RIN3: variants seen among roughly 807,000 people sequenced by gnomAD.
RIN3 encodes Ras and Rab interactor 3.
Under a neutral mutation model 76.3 loss-of-function variants are expected in RIN3, and 54 were observed. The observed-to-expected ratio is 0.71, with a 90% CI of 0.57 to 0.89. RIN3 has a LOEUF of 0.89. Ranked by LOEUF, RIN3 falls within the 40% of genes least tolerant of loss-of-function variation. The probability of loss-of-function intolerance (pLI) is 0.00; values close to 1 mark genes in which losing one functional copy is unlikely to be tolerated. For synonymous variants in RIN3, 576 were observed against 564.0 expected (o/e 1.02, Z -0.30); for missense variants, 1,256 against 1,322.1 (o/e 0.95, Z 0.78).
At chr14:92,649,065 G>T (rs754388) in intron 5 of RIN3, among the ~76,000 whole-genome samples, 2 of 152,082 alleles carry the variant, frequency 1.3e-5, no homozygotes, top group African/African-American at 2.4e-5. Context: ...CCTGCAGACT[G>T]GAATGCCAGG....
intron 1 of RIN3, among the ~76,000 whole-genome samples, chr14:92,544,414 T>TGG (rs71123353): frequency 5.8e-4 from 43 of 74,552 alleles, no homozygotes; most frequent in African/African-American, 1.2e-3. Flanking sequence ...GTGACAGCTG[T>TGG]GGGGGGGGGG....
chr14:92,549,955 G>A (rs1242162368), intron 1 of RIN3, among the ~76,000 whole-genome samples: 3 of 152,314 alleles, frequency 2.0e-5, no homozygotes, highest in Middle Eastern at 6.8e-3. Context: ...GGTCCTTAGC[G>A]GAGTGGGAGT....
intron 1 of RIN3, among the ~76,000 whole-genome samples, chr14:92,537,466 G>A (rs542906265): frequency 6.6e-6 from 1 of 152,188 alleles, no homozygotes; most frequent in African/African-American, 2.4e-5. Context: ...ACTTTTGTCT[G>A]TGCGTCATTT....
intron 5 of RIN3, chr14:92,644,322 T>G (rs1385673523): frequency 1.3e-5 from 2 of 151,922 alleles, no homozygotes; most frequent in Admixed American, 6.6e-5. Context: ...GGTTTAGTCA[T>G]CCCTAGGACT....
intron 1 of RIN3, among the ~76,000 whole-genome samples, chr14:92,527,129 C>T (rs1896756482): frequency 6.7e-6 from 1 of 149,528 alleles, no homozygotes; most frequent in Non-Finnish European, 1.5e-5. Context: ...CAGCTCACTG[C>T]AAGCTCCGCC....
intron 3 of RIN3, among the ~76,000 whole-genome samples, chr14:92,586,859 G>A (rs1884795278): frequency 6.6e-6 from 1 of 152,128 alleles, no homozygotes; most frequent in South Asian, 2.1e-4. Context: ...ATGACACTCA[G>A]GGAAATCCAC....
chr14:92,679,933 G>T (rs1888604162), intron 8 of RIN3, among the ~76,000 whole-genome samples: 1 of 152,228 alleles, frequency 6.6e-6, no homozygotes. Flanking sequence ...CATCAAGTTA[G>T]ATTGGCAGTT....
At chr14:92,657,728 T>G (rs1595490711) in intron 6 of RIN3, among the ~76,000 whole-genome samples, 1 of 151,616 alleles carries the variant, frequency 6.6e-6, no homozygotes, top group South Asian at 2.1e-4. Context: ...GGTCGGGAGG[T>G]GGGCGTGGAA....
At chr14:92,584,560 A>T (rs1884696620) in intron 3 of RIN3, among the ~76,000 whole-genome samples, 1 of 152,106 alleles carries the variant, frequency 6.6e-6, no homozygotes, top group Non-Finnish European at 1.5e-5. Flanking sequence ...GGAACAAGAG[A>T]TGTCTTGGTC....
At chr14:92,559,530 C>T (rs1897702897) in intron 2 of RIN3, among the ~76,000 whole-genome samples, 1 of 152,232 alleles carries the variant, frequency 6.6e-6, no homozygotes, top group Admixed American at 6.5e-5. Context: ...CCACTGTCCT[C>T]TCCGAGGGTC....
At chr14:92,577,050 G>A (rs930497572) in intron 2 of RIN3, among the ~76,000 whole-genome samples, 2 of 152,068 alleles carry the variant, frequency 1.3e-5, no homozygotes, top group African/African-American at 4.8e-5. Context: ...GTGGGTGGGG[G>A]CATAGGAATT....
chr14:92,553,291 T>C (rs1367772912), intron 1 of RIN3, among the ~76,000 whole-genome samples: 2 of 152,108 alleles, frequency 1.3e-5, no homozygotes, highest in African/African-American at 4.8e-5. Context: ...GATTATAGCG[T>C]CTTTTGGTGC....
chr14:92,593,246 G>C (rs1885046655), intron 3 of RIN3, among the ~76,000 whole-genome samples: 1 of 152,138 alleles, frequency 6.6e-6, no homozygotes, highest in African/African-American at 2.4e-5. Flanking sequence ...AAGAGTGGAA[G>C]ACAAAAGTGG....
At chr14:92,595,169 A>C (rs1431053211) in intron 3 of RIN3, among the ~76,000 whole-genome samples, 3 of 152,206 alleles carry the variant, frequency 2.0e-5, no homozygotes, top group Non-Finnish European at 4.4e-5. Flanking sequence ...CAGAGTTGTC[A>C]ATTGCAACAC....
intron 7 of RIN3, among the ~76,000 whole-genome samples, chr14:92,673,978 C>T (rs1359357757): frequency 6.6e-6 from 1 of 151,884 alleles, no homozygotes; most frequent in East Asian, 1.9e-4. Context: ...GTCGTTGTTT[C>T]TTGAGTGTAG....
chr14:92,557,523 G>A (rs535144156), intron 2 of RIN3, among the ~76,000 whole-genome samples: 2 of 152,314 alleles, frequency 1.3e-5, no homozygotes, highest in South Asian at 2.1e-4. Flanking sequence ...GAATGGACTC[G>A]TTCACCTCGG....
chr14:92,523,262 C>T (rs8010118), intron 1 of RIN3, among the ~76,000 whole-genome samples: 10,076 of 152,202 alleles, frequency 0.066, 1,131 homozygotes, highest in African/African-American at 0.23. Context: ...AGGTGCCTGC[C>T]ACCACTCTTG....
chr14:92,680,424 TC>T (rs1399070768), intron 8 of RIN3, among the ~76,000 whole-genome samples: 1 of 152,152 alleles, frequency 6.6e-6, no homozygotes, highest in Non-Finnish European at 1.5e-5. Context: ...GGTCTCGAAC[TC>T]CTGATCTCAA....
rs560991967 is a variant in RIN3, at chr14:92,652,286, C to T, written c.1237C>T (p.Leu413=). The change falls in exon 6 of 10, where the codon CTG becomes TTG. Residue 413 remains leucine, a synonymous_variant. Coordinates refer to ENST00000216487, the MANE Select transcript of RIN3 (RefSeq NM_024832.5). This position sits in a 1 kb window ranked among gnomAD's most constrained non-coding sequence, Gnocchi z 6.4. ...GGCGGCAGAGGGGGACCAGCTCAGC[C>T]TGCCTCCCCAAGGGACCTCAGACGG... ...GMAAEGDQLS[L]PPQGTSDGPE... 9.2e-5 allele frequency: 149 copies of T among 1,610,866 alleles called. No individual in the cohort carries two copies. In the South Asian group the frequency reaches 1.5e-3, roughly 16 times the overall value.
Sources: allele counts gnomAD v4.1 joint callset (sites outside exome capture counted in the v4.1 genomes callset), GRCh38; gene constraint gnomAD v4.1.1; non-coding constraint Gnocchi (gnomAD v3.1); transcripts MANE v1.5; gene names NCBI Gene and HGNC (gene_info 2026-07-23, HGNC 2026-07-21).